The following ENKUR variants were observed in gnomAD, a reference collection of about 807,000 sequenced individuals.
ENKUR encodes the protein enkurin, TRPC channel interacting protein.
A neutral mutation model predicts 27.6 loss-of-function variants in ENKUR; 19 were observed. The ratio of observed to expected loss-of-function variants is 0.69; its 90% CI spans 0.48 to 1.01. The LOEUF (loss-of-function observed/expected upper bound fraction) is 1.01, where lower values mean the gene tolerates loss of function less well. ENKUR is among the 50% of genes least tolerant of loss of function. The probability of loss-of-function intolerance (pLI) is 0.00; values close to 1 mark genes in which losing one functional copy is unlikely to be tolerated. For missense variants in ENKUR, 312 were observed against 310.5 expected (o/e 1.00, Z -0.04); for synonymous variants, 117 against 96.9 (o/e 1.21, Z -1.22).
intron 4 of ENKUR, among the ~76,000 whole-genome samples, chr10:24,988,720 A>G (rs911376210): frequency 7.0e-5 from 4 of 56,888 alleles, no homozygotes; most frequent in Admixed American, 2.4e-4. Context: ...ATATATATAT[A>G]TATATATTCC....
At chr10:25,053,523 C>A (rs1839490595) in intron 2 of ENKUR, among the ~76,000 whole-genome samples, 1 of 152,150 alleles carries the variant, frequency 6.6e-6, no homozygotes, top group South Asian at 2.1e-4. Flanking sequence ...GCATATAAGT[C>A]AGGCCCTGCC....
chr10:24,993,471 CAT>C (rs1428593957), intron 3 of ENKUR, among the ~76,000 whole-genome samples: 4 of 152,282 alleles, frequency 2.6e-5, no homozygotes, highest in African/African-American at 9.6e-5. Context: ...CTAAATACCT[CAT>C]GTGATCATCT....
chr10:24,996,834 G>A (rs1850071000), intron 2 of ENKUR, among the ~76,000 whole-genome samples: 1 of 152,134 alleles, frequency 6.6e-6, no homozygotes. Flanking sequence ...GAATTCATAT[G>A]TTGAAGCCCT....
At chr10:25,054,160 C>T (rs781114867) in intron 2 of ENKUR, among the ~76,000 whole-genome samples, 4 of 152,230 alleles carry the variant, frequency 2.6e-5, no homozygotes, top group Admixed American at 6.5e-5. Context: ...GTGGCGCACG[C>T]CTATAATCCC....
intron 1 of ENKUR, among the ~76,000 whole-genome samples, chr10:25,007,961 G>T (rs568308252): frequency 5.2e-4 from 77 of 148,758 alleles, no homozygotes; most frequent in Non-Finnish European, 8.9e-4. Context: ...TCATTTGTGT[G>T]CCTGTGATAT....
chr10:24,993,001 A>C (rs184370719), intron 3 of ENKUR, among the ~76,000 whole-genome samples: 1 of 152,348 alleles, frequency 6.6e-6, no homozygotes, highest in African/African-American at 2.4e-5. Context: ...ACTCTGTTTA[A>C]GAAAGAGAAT....
intron 2 of ENKUR, among the ~76,000 whole-genome samples, chr10:25,034,206 A>T (rs779113359): frequency 9.2e-5 from 14 of 152,182 alleles, no homozygotes; most frequent in Non-Finnish European, 2.1e-4. Flanking sequence ...AGTAAAATTT[A>T]TAATAAACTT....
chr10:25,002,360 C>T lies in ENKUR; in HGVS notation c.78-2814G>A, dbSNP rs138287670. ...CAACTCTCCTCTCTGGTACTCTGTG[C>T]TGTGAATTCTAGCAGCTTTGGCCTT... On this transcript the variant is annotated intron_variant, in intron 1 of 5. Transcript: ENST00000331161. 4.1e-4 allele frequency among the ~76,000 whole-genome samples: 62 copies of T among 152,344 alleles called. 2 individuals carry two copies. In the East Asian group the frequency reaches 0.011, roughly 28 times the overall value.
chr10:24,988,674 A>G (rs1434161782), intron 4 of ENKUR, among the ~76,000 whole-genome samples: 14 of 960 alleles, frequency 0.015, no homozygotes, highest in Admixed American at 0.052. Flanking sequence ...GTATATATAT[A>G]TATATATATA....
intron 2 of ENKUR, chr10:25,026,383 A>G (rs1850852506): frequency 6.0e-6 from 1 of 166,960 alleles, no homozygotes; most frequent in South Asian, 2.1e-4. Flanking sequence ...TACAGAAATG[A>G]TCTATTTCAA....
chr10:25,016,032 T>C lies in ENKUR; in HGVS notation c.-96A>G. 1 of 1,492,538 alleles carries C rather than the reference T, an allele frequency of 6.7e-7. No individual in the cohort carries two copies. The highest frequency in any genetic ancestry group is 1.4e-5 in the South Asian group (1 of 69,768). The allele number at this position is 1,492,538 out of a possible 1,614,324, so 92.5% of individuals were successfully genotyped here. A position where few individuals can be genotyped will look rare whatever the true frequency, so the allele number is the denominator to read the frequency against. The stretch of plus-strand genomic sequence containing the variant: ...TTCTTCACTGCTTCCCCTTTCTTTC[T>C]TCTTCGCCTTCTGAAGGACCACAGG... On this transcript the variant is annotated 5_prime_UTR_variant, in exon 1 of 6. Coordinates refer to ENST00000331161, the MANE Select transcript of ENKUR (RefSeq NM_145010.4).
chr10:25,020,142 A>G (rs1382051308), upstream of ENKUR, among the ~76,000 whole-genome samples: 1 of 152,074 alleles, frequency 6.6e-6, no homozygotes, highest in Non-Finnish European at 1.5e-5. Flanking sequence ...TATATATTAT[A>G]GCACTTAACT....
chr10:25,043,584 T>C (rs1392600339), intron 2 of ENKUR, among the ~76,000 whole-genome samples: 1 of 152,144 alleles, frequency 6.6e-6, no homozygotes, highest in Non-Finnish European at 1.5e-5. Flanking sequence ...TTAAAGTGTA[T>C]CCTGATTTGG....
rs142828206 is a variant in ENKUR, at chr10:24,999,476, C to T, written c.148G>A (p.Gly50Arg). ...GAAGGTACTTCAACTTTTGCTGGTC[C>T]CATAGTTTTCATTGCAGTTTTAGCT... is the stretch of plus-strand genomic sequence containing the variant. Reference protein sequence around the residue: ...QKAKTAMKTMGPAKVEVPSPK... With the variant: ...QKAKTAMKTMRPAKVEVPSPK... Residue 50 changes from glycine to arginine, a missense_variant, in exon 2 of 6, where the codon GGA becomes AGA. Transcript: ENST00000331161. 1 of 1,612,990 alleles carries T rather than the reference C, an allele frequency of 6.2e-7. No homozygotes were observed. The highest frequency in any genetic ancestry group is 1.3e-5 in the African/African-American group (1 of 74,940).
chr10:25,023,244 T>C (rs1850760201), intron 2 of ENKUR: 1 of 1,612,518 alleles, frequency 6.2e-7, no homozygotes, highest in Non-Finnish European at 8.5e-7. Flanking sequence ...TTAACCGATG[T>C]CATCATCTGA....
At chr10:25,016,794 G>A (rs1850593377), upstream of ENKUR, 1 of 152,538 alleles carries the variant, frequency 6.6e-6, no homozygotes, top group African/African-American at 2.4e-5. Context: ...TCCTTGGTGA[G>A]TTATTGGAGG....
chr10:25,027,389 T>TAAAAAAAAAAAAAAAAAA, intron 2 of ENKUR, among the ~76,000 whole-genome samples: 1 of 58,272 alleles, frequency 1.7e-5, no homozygotes, highest in South Asian at 6.7e-4. Flanking sequence ...AAAAAAAAAC[T>TAAAAAAAAAAAAAAAAAA]AGCCAGGCAT....
chr10:24,984,594 G>T, intron 5 of ENKUR, 142 bp downstream of exon 5: 1 of 1,037,396 alleles, frequency 9.6e-7, no homozygotes, highest in Non-Finnish European at 1.4e-6. Flanking sequence ...ATTATTCTTT[G>T]CATATTGCCT....
intron 1 of ENKUR, among the ~76,000 whole-genome samples, chr10:25,001,609 A>G (rs1379262948): frequency 1.3e-5 from 2 of 151,940 alleles, no homozygotes; most frequent in East Asian, 3.9e-4. Context: ...TGTGTCTTCA[A>G]ATTCATCTAA....
Sources: allele counts gnomAD v4.1 joint callset (sites outside exome capture counted in the v4.1 genomes callset), GRCh38; gene constraint gnomAD v4.1.1; transcripts MANE v1.5; gene names NCBI Gene and HGNC (gene_info 2026-07-23, HGNC 2026-07-21).